DGKK: variants seen among roughly 807,000 people sequenced by gnomAD.
DGKK encodes the protein diacylglycerol kinase kappa.
A neutral mutation model predicts 92.2 loss-of-function variants in DGKK; 35 were observed. The ratio of observed to expected loss-of-function variants is 0.38; its 90% CI spans 0.29 to 0.50. DGKK has a LOEUF of 0.50. DGKK is among the 20% of genes least tolerant of loss of function. The pLI is 0.92. For synonymous variants in DGKK, 368 were observed against 360.6 expected (o/e 1.02, Z -0.23); for missense variants, 910 against 992.2 (o/e 0.92, Z 1.11).
At chrX:50,373,977 A>G (rs2053529759) in intron 25 of DGKK, among the ~76,000 whole-genome samples, 1 of 112,049 alleles carries the variant, frequency 8.9e-6, no homozygotes, top group African/African-American at 3.2e-5. Flanking sequence ...ACTGATAGGT[A>G]CTTAATATAC....
chrX:50,424,451 G>C (rs1557229480), intron 1 of DGKK, 93 bp from the exon 2 acceptor site: 1 of 775,612 alleles, frequency 1.3e-6, no homozygotes, highest in East Asian at 3.3e-5. Context: ...TATCTAGAAG[G>C]CTCTATCTTG....
chrX:50,447,403 ATATATAATATATATATATATATATT>A (rs1557232080), intron 1 of DGKK, among the ~76,000 whole-genome samples: 3 of 16,597 alleles, frequency 1.8e-4, no homozygotes, highest in African/African-American at 1.1e-3. Context: ...TATTATATAT[ATATATAATATATATATATATATATT>A]ATATATATAT....
At position 50,434,534 on chromosome X, in the gene DGKK, C is replaced by T. The variant is rs200093068; in HGVS notation, c.646-10176G>A. On this transcript the variant is annotated intron_variant, in intron 1 of 27. Transcript: ENST00000611977. Reference sequence around the variant, plus strand: ...TGGGTGTGAGATCTAACTTGGGGATCACTTCAGTTCACTTCTTTTTTCCCC... The same window carrying T: ...TGGGTGTGAGATCTAACTTGGGGATTACTTCAGTTCACTTCTTTTTTCCCC... 9.9e-5 allele frequency among the ~76,000 whole-genome samples: 11 copies of T among 111,118 alleles called. No homozygotes were observed. In the East Asian group the frequency reaches 2.3e-3, roughly 23 times the overall value.
intron 1 of DGKK, among the ~76,000 whole-genome samples, chrX:50,426,445 C>A (rs899525102): frequency 8.9e-6 from 1 of 112,027 alleles, no homozygotes; most frequent in African/African-American, 3.2e-5. Flanking sequence ...ATTTGATAAG[C>A]TCTTTAATGA....
chrX:50,456,290 A>G (rs1926610620), intron 1 of DGKK, among the ~76,000 whole-genome samples: 1 of 111,808 alleles, frequency 8.9e-6, no homozygotes, highest in African/African-American at 3.3e-5. Context: ...TAAAACTTGG[A>G]CTGCCAAAGG....
Position 50,370,426 on chromosome X carries a change from C to G in DGKK, c.3736G>C (p.Gly1246Arg). 1.7e-6 allele frequency: 2 copies of G among 1,189,763 alleles called. No homozygotes were observed. Among genetic ancestry groups the G allele is most frequent in the Non-Finnish European group, 2.3e-6 (2 of 883,971 alleles). The change falls in exon 27 of 28, where the codon GGC becomes CGC. Residue 1246 changes from glycine (G) to arginine (R), a missense_variant and splice_region_variant. By Grantham distance (125) the Gly-to-Arg change is moderately radical. Coordinates refer to ENST00000611977, the MANE Select transcript of DGKK (RefSeq NM_001013742.4). ...KSGQSVQSFIGNLWHRRHRED... is the reference protein window; with the variant it reads ...KSGQSVQSFIRNLWHRRHRED... ...CCCTCTGCCTGTGGGGGAGACTTAC[C>G]AATAAAACTCTGGACACTCTGGCCT...
chrX:50,416,284 T>C (rs1382377391), intron 4 of DGKK, among the ~76,000 whole-genome samples: 1 of 112,157 alleles, frequency 8.9e-6, no homozygotes, highest in African/African-American at 3.2e-5. Flanking sequence ...ACATCACTGA[T>C]GTAGGGCAGC....
intron 1 of DGKK, among the ~76,000 whole-genome samples, chrX:50,459,102 C>A (rs782214849): frequency 1.8e-5 from 2 of 111,838 alleles, no homozygotes; most frequent in African/African-American, 6.5e-5. Flanking sequence ...ATTGTAGGAA[C>A]CTTTGTTCCA....
rs1332967515 is a variant in DGKK at position 50,448,471 on chromosome X, C to T, written c.645+21563G>A. Among the ~76,000 whole-genome samples, 4 of 111,203 alleles carry T rather than the reference C, an allele frequency of 3.6e-5. No homozygotes were observed. In the East Asian group the frequency reaches 1.1e-3, roughly 32 times the overall value. On this transcript the variant is annotated intron_variant, in intron 1 of 27. Coordinates refer to ENST00000611977, the MANE Select transcript of DGKK (RefSeq NM_001013742.4). ...TAAAAGACATAATGCTAGACTCCTA[C>T]ACAGAAACACTAACTCATACTAGTA...
At chrX:50,375,912 C>T in intron 24 of DGKK, 112 bp downstream of exon 24, 1 of 918,689 alleles carries the variant, frequency 1.1e-6, no homozygotes, top group Non-Finnish European at 1.5e-6. Flanking sequence ...CCATCAGTTT[C>T]CTGCCATATT....
chrX:50,387,479 G>T, intron 14 of DGKK, 75 bp downstream of exon 14: 1 of 752,897 alleles, frequency 1.3e-6, no homozygotes, highest in South Asian at 2.4e-5. Context: ...CCAGTGAGAG[G>T]CATGTTTGCT....
intron 1 of DGKK, among the ~76,000 whole-genome samples, chrX:50,445,545 C>A (rs1401155003): frequency 9.0e-6 from 1 of 111,137 alleles, no homozygotes; most frequent in Non-Finnish European, 1.9e-5. Flanking sequence ...GAAGTCTTTT[C>A]CCTATTGCTT....
intron 1 of DGKK, among the ~76,000 whole-genome samples, chrX:50,445,175 A>C (rs1218823952): frequency 1.2e-5 from 1 of 85,424 alleles, no homozygotes; most frequent in African/African-American, 4.8e-5. Context: ...TAGATGCCGG[A>C]TATTAGACCT....
intron 1 of DGKK, among the ~76,000 whole-genome samples, chrX:50,456,908 T>C (rs1926625505): frequency 8.9e-6 from 1 of 111,810 alleles, no homozygotes; most frequent in Non-Finnish European, 1.9e-5. Flanking sequence ...GGGATAGCAG[T>C]GAAGGCCTGC....
chrX:50,391,143 G>A (rs976109468), intron 11 of DGKK, among the ~76,000 whole-genome samples: 1 of 110,700 alleles, frequency 9.0e-6, no homozygotes, highest in Non-Finnish European at 1.9e-5. Flanking sequence ...TTTGAGACAG[G>A]GTCTCATTCT....
intron 10 of DGKK, 108 bp from the exon 11 acceptor site, chrX:50,391,684 G>T: frequency 1.2e-6 from 1 of 864,148 alleles, no homozygotes; most frequent in Non-Finnish European, 1.6e-6. Flanking sequence ...CTTAAAACCA[G>T]TGGATTTACG....
At chrX:50,411,760 T>C (rs782599477) in intron 4 of DGKK, among the ~76,000 whole-genome samples, 1 of 111,596 alleles carries the variant, frequency 9.0e-6, no homozygotes, top group African/African-American at 3.2e-5. Context: ...GATATCCTAA[T>C]AGAAAAGAAA....
chrX:50,403,017 C>A lies in DGKK; in HGVS notation c.1308+44G>T, dbSNP rs781848074. The A allele has an allele frequency of 5.9e-6, 7 of 1,194,725 alleles. No individual in the cohort carries two copies. The African/African-American group carries it at 1.1e-4, about 18-fold the overall frequency. ...GGTCAAGCTCTAAGCCACTCCCTCG[C>A]CAGGAGTTAAGTTCTCTAAATATCA... On this transcript the variant is annotated intron_variant, in intron 7 of 27. Coordinates refer to ENST00000611977, the MANE Select transcript of DGKK (RefSeq NM_001013742.4).
chrX:50,372,894 G>GCA (rs1433813125), intron 25 of DGKK, among the ~76,000 whole-genome samples: 2 of 111,680 alleles, frequency 1.8e-5, no homozygotes, highest in Non-Finnish European at 3.8e-5. Flanking sequence ...TTTCAATCTA[G>GCA]CACTTATGTG....
Sources: gnomAD v4.1 joint callset for allele counts (sites outside exome capture counted in the v4.1 genomes callset) on GRCh38, gnomAD v4.1.1 for gene constraint, MANE v1.5 for transcripts, NCBI Gene and HGNC (gene_info 2026-07-23, HGNC 2026-07-21) for gene names.